Variants in GPHN observed in about 807,000 individuals in gnomAD.
GPHN encodes gephyrin.
In GPHN, 17 loss-of-function variants were observed where a neutral mutation model predicts 95.5. The ratio of observed to expected loss-of-function variants is 0.18; its 90% CI spans 0.12 to 0.27. GPHN has a LOEUF of 0.27. Among genes scored for constraint, GPHN ranks in the 10% least tolerant of loss-of-function variants. GPHN has a pLI of 1.00. For missense variants in GPHN, 660 were observed against 978.1 expected, an observed-to-expected ratio of 0.67 and a Z score of 4.34; for synonymous variants, 320 against 322.5, an observed-to-expected ratio of 0.99 and a Z score of 0.08.
At chr14:67,574,737 G>C in the GPHN span, among the ~76,000 whole-genome samples, 18 of 152,252 alleles carry the variant, frequency 1.2e-4, no homozygotes, top group East Asian at 3.1e-3. The surrounding 1 kb of genome is among the most constrained non-coding windows in gnomAD (Gnocchi z 4.2). Context: ...GAAGAGGCCT[G>C]GGCGAGGTAG....
At chr14:66,952,377 T>C (rs568009924) in intron 8 of GPHN, among the ~76,000 whole-genome samples, 1 of 151,490 alleles carries the variant, frequency 6.6e-6, no homozygotes, top group Admixed American at 6.5e-5. Context: ...CTCCTTTTTA[T>C]GGCTGCACAA....
the GPHN span, among the ~76,000 whole-genome samples, chr14:67,307,502 C>G: frequency 6.6e-6 from 1 of 152,146 alleles, no homozygotes; most frequent in East Asian, 1.9e-4. Flanking sequence ...TGATTATGTA[C>G]TCTGTGCCAG....
intron 5 of GPHN, among the ~76,000 whole-genome samples, chr14:66,893,690 A>G (rs1391273457): frequency 6.6e-6 from 1 of 152,212 alleles, no homozygotes; most frequent in Non-Finnish European, 1.5e-5. Context: ...TCAATGTGCA[A>G]AAATCACAAG....
intron 3 of GPHN, among the ~76,000 whole-genome samples, chr14:66,818,603 A>G (rs2061073429): frequency 6.6e-6 from 1 of 152,114 alleles, no homozygotes; most frequent in Non-Finnish European, 1.5e-5. Context: ...TTTATAATCA[A>G]TTGGGTATAT....
chr14:67,305,036 G>A, the GPHN span, among the ~76,000 whole-genome samples: 23,819 of 152,078 alleles, frequency 0.16, 3,532 homozygotes, highest in East Asian at 0.42. Flanking sequence ...TATGTTTACA[G>A]TTTTTTTGCA....
chr14:66,972,873 T>C (rs967794087), intron 9 of GPHN, among the ~76,000 whole-genome samples: 5 of 152,186 alleles, frequency 3.3e-5, no homozygotes, highest in Non-Finnish European at 2.9e-5. Context: ...TTCATACTAC[T>C]TGGATCTACT....
intron 4 of GPHN, among the ~76,000 whole-genome samples, chr14:66,853,576 T>A (rs906833311): frequency 1.3e-5 from 2 of 152,116 alleles, no homozygotes; most frequent in African/African-American, 4.8e-5. Flanking sequence ...GAACTCCCAT[T>A]TATAAAACCA....
chr14:67,184,299 T>G (rs1428712720), downstream of GPHN, among the ~76,000 whole-genome samples: 1 of 152,226 alleles, frequency 6.6e-6, no homozygotes, highest in Non-Finnish European at 1.5e-5. Context: ...ATAAAACCAT[T>G]AGAGATTCTT....
chr14:67,486,626 G>C, the GPHN span, among the ~76,000 whole-genome samples: 8 of 152,096 alleles, frequency 5.3e-5, no homozygotes, highest in African/African-American at 1.9e-4. Flanking sequence ...CTTTCTGCTT[G>C]CTACCAACCT....
At chr14:67,573,595 A>C in the GPHN span, among the ~76,000 whole-genome samples, 1 of 152,202 alleles carries the variant, frequency 6.6e-6, no homozygotes, top group Non-Finnish European at 1.5e-5. This position sits in a 1 kb window ranked among gnomAD's most constrained non-coding sequence, Gnocchi z 4.8. Flanking sequence ...TGAAATAGGG[A>C]GGTTCTCAGA....
At chr14:67,107,784 A>G (rs1024450329) in intron 13 of GPHN, among the ~76,000 whole-genome samples, 7 of 151,740 alleles carry the variant, frequency 4.6e-5, no homozygotes, top group African/African-American at 1.7e-4. Context: ...AAATGACTCA[A>G]CTCCCCAGAG....
At chr14:66,937,656 C>A (rs1436505392) in intron 8 of GPHN, among the ~76,000 whole-genome samples, 1 of 152,194 alleles carries the variant, frequency 6.6e-6, no homozygotes, top group African/African-American at 2.4e-5. Context: ...GGATTACAGG[C>A]ATGAGCCACC....
At chr14:66,846,657 T>C (rs761308557) in intron 4 of GPHN, among the ~76,000 whole-genome samples, 4 of 152,170 alleles carry the variant, frequency 2.6e-5, no homozygotes, top group Non-Finnish European at 5.9e-5. Context: ...GTAACTTAAA[T>C]GTCGATAGGA....
chr14:66,777,592 G>A (rs1392465192), intron 3 of GPHN, among the ~76,000 whole-genome samples: 7 of 152,144 alleles, frequency 4.6e-5, no homozygotes, highest in South Asian at 2.1e-4. Flanking sequence ...CTGGCAAACC[G>A]AATCCAGCAG....
the GPHN span, among the ~76,000 whole-genome samples, chr14:67,628,797 C>T: frequency 1.3e-5 from 2 of 152,292 alleles, no homozygotes; most frequent in Admixed American, 1.3e-4. Flanking sequence ...TAAAATGGAG[C>T]TGCTATGGAA....
At chr14:67,478,832 G>A in the GPHN span, among the ~76,000 whole-genome samples, 1 of 152,146 alleles carries the variant, frequency 6.6e-6, no homozygotes, top group African/African-American at 2.4e-5. Flanking sequence ...GTAATAGTGA[G>A]CACTCTGCTT....
At chr14:67,466,865 C>T in the GPHN span, among the ~76,000 whole-genome samples, 21 of 151,910 alleles carry the variant, frequency 1.4e-4, no homozygotes, top group African/African-American at 2.7e-4. Flanking sequence ...CATGGTGGCA[C>T]GGGCCTGTAA....
intron 17 of GPHN, among the ~76,000 whole-genome samples, chr14:67,139,846 G>A (rs2080345056): frequency 6.6e-6 from 1 of 152,060 alleles, no homozygotes; most frequent in South Asian, 2.1e-4. Context: ...CAAATAACTG[G>A]CCCAGCAGTG....
At chr14:67,632,546 C>A in the GPHN span, among the ~76,000 whole-genome samples, 1 of 152,062 alleles carries the variant, frequency 6.6e-6, no homozygotes, top group South Asian at 2.1e-4. Context: ...AAGGTGCCCA[C>A]CATTTGTACC....
Sources: allele counts gnomAD v4.1 joint callset (sites outside exome capture counted in the v4.1 genomes callset), GRCh38; gene constraint gnomAD v4.1.1; non-coding constraint Gnocchi (gnomAD v3.1); transcripts MANE v1.5; gene names NCBI Gene and HGNC (gene_info 2026-07-23, HGNC 2026-07-21).